CACNA1E: variants seen among roughly 807,000 people sequenced by gnomAD.
CACNA1E encodes the protein calcium voltage-gated channel subunit alpha1 E, also known as voltage-dependent R-type calcium channel subunit alpha-1E.
A neutral mutation model predicts 259.2 loss-of-function variants in CACNA1E; 40 were observed. The ratio of observed to expected loss-of-function variants is 0.15; its 90% CI spans 0.12 to 0.20. The LOEUF is 0.20. Ranked by LOEUF, CACNA1E falls within the 10% of genes least tolerant of loss-of-function variation. CACNA1E has a pLI of 1.00. For missense variants in CACNA1E, 1,874 were observed against 3,040.1 expected, an observed-to-expected ratio of 0.62 and a Z score of 9.02; for synonymous variants, 1,104 against 1,138.5, an observed-to-expected ratio of 0.97 and a Z score of 0.61.
At chr1:181,334,456 A>T (rs745320996) in intron 1 of CACNA1E, among the ~76,000 whole-genome samples, 1 of 152,194 alleles carries the variant, frequency 6.6e-6, no homozygotes, top group Non-Finnish European at 1.5e-5. Context: ...ATCCACATGG[A>T]TGTCTGACAG....
chr1:181,648,439 T>C (rs1208289343), intron 6 of CACNA1E, among the ~76,000 whole-genome samples: 1 of 152,226 alleles, frequency 6.6e-6, no homozygotes. Context: ...TCAAAGGCTA[T>C]GTTCTTCGAT....
At chr1:181,373,799 A>G (rs1654887918) in intron 1 of CACNA1E, among the ~76,000 whole-genome samples, 1 of 152,106 alleles carries the variant, frequency 6.6e-6, no homozygotes, top group Non-Finnish European at 1.5e-5. Context: ...TGCTGGGATT[A>G]CAGGCATGGA....
At chr1:181,681,975 CTG>C (rs1311155431) in intron 7 of CACNA1E, among the ~76,000 whole-genome samples, 4 of 152,286 alleles carry the variant, frequency 2.6e-5, no homozygotes, top group Non-Finnish European at 5.9e-5. Context: ...CTTTCTATAA[CTG>C]TGAAAGGGGA....
chr1:181,417,814 A>G (rs1325144195), intron 2 of CACNA1E, among the ~76,000 whole-genome samples: 2 of 152,198 alleles, frequency 1.3e-5, no homozygotes, highest in Non-Finnish European at 2.9e-5. Context: ...AGGCATGTAC[A>G]GGCTCCATCC....
At position 181,750,998 on chromosome 1, in the gene CACNA1E, G is replaced by A. The variant is rs752323904; in HGVS notation, c.3731+511G>A. Among the ~76,000 whole-genome samples the A allele has an allele frequency of 5.3e-5, 8 of 152,224 alleles. No individual in the cohort carries two copies. The East Asian group carries it at 1.4e-3, about 26-fold the overall frequency. On this transcript the variant is annotated intron_variant, in intron 26 of 47. Coordinates refer to ENST00000367573, the MANE Select transcript of CACNA1E (RefSeq NM_001205293.3). ...GTCAGGGGGGTGGGGTAGGGGGGTA[G>A]GTATCGCAGGAAGGTCAGGGGGAAA...
intron 43 of CACNA1E, 93 bp downstream of exon 43, chr1:181,785,912 C>A: frequency 2.6e-6 from 2 of 760,994 alleles, no homozygotes; most frequent in Non-Finnish European, 2.2e-6. Context: ...CAGAAGGGCC[C>A]AAGAACAAAT....
chr1:181,459,957 G>T (rs1346420628), intron 2 of CACNA1E, among the ~76,000 whole-genome samples: 1 of 152,182 alleles, frequency 6.6e-6, no homozygotes, highest in African/African-American at 2.4e-5. Context: ...TGGCCAGCTA[G>T]GTAATGCACC....
At chr1:181,520,522 C>A (rs1164955737) in intron 3 of CACNA1E, among the ~76,000 whole-genome samples, 1 of 152,104 alleles carries the variant, frequency 6.6e-6, no homozygotes, top group Non-Finnish European at 1.5e-5. Flanking sequence ...TAAGAATGGT[C>A]ATTTATCTCT....
chr1:181,604,529 T>C (rs1654051059), intron 6 of CACNA1E, among the ~76,000 whole-genome samples: 1 of 152,226 alleles, frequency 6.6e-6, no homozygotes. Context: ...TATTTTCCTC[T>C]GGACTAGGAG....
chr1:181,631,417 C>T (rs1656725615), intron 6 of CACNA1E, among the ~76,000 whole-genome samples: 1 of 152,142 alleles, frequency 6.6e-6, no homozygotes, highest in Admixed American at 6.5e-5. Flanking sequence ...TGAATCCTTG[C>T]AGTTTTCAGT....
intron 7 of CACNA1E, among the ~76,000 whole-genome samples, chr1:181,682,660 T>C (rs1650095864): frequency 6.6e-6 from 1 of 152,224 alleles, no homozygotes; most frequent in South Asian, 2.1e-4. Context: ...TGGTATCTGC[T>C]GAACTTCTGG....
chr1:181,666,914 G>T (rs540439508), intron 7 of CACNA1E, among the ~76,000 whole-genome samples: 1 of 152,014 alleles, frequency 6.6e-6, no homozygotes, highest in African/African-American at 2.4e-5. Flanking sequence ...TAAATTGCAG[G>T]TGGAGCTAGT....
intron 9 of CACNA1E, 56 bp downstream of exon 9, chr1:181,715,447 G>A (rs1016062571): frequency 5.3e-6 from 5 of 948,652 alleles, no homozygotes; most frequent in Admixed American, 3.9e-5. Context: ...TTAGGCGATG[G>A]CAATCTCTGT....
intron 9 of CACNA1E, among the ~76,000 whole-genome samples, chr1:181,715,811 C>A (rs1288528314): frequency 1.3e-5 from 2 of 152,218 alleles, no homozygotes; most frequent in East Asian, 3.9e-4. Flanking sequence ...TAGGCTCTAG[C>A]ATGGCTTCCA....
At chr1:181,650,561 T>C (rs1286419012) in intron 6 of CACNA1E, among the ~76,000 whole-genome samples, 4 of 152,194 alleles carry the variant, frequency 2.6e-5, no homozygotes, top group Non-Finnish European at 5.9e-5. Context: ...ACTCCCAAGC[T>C]CTATTTCAAG....
At chr1:181,471,866 A>G (rs1662532896) in intron 2 of CACNA1E, among the ~76,000 whole-genome samples, 1 of 151,696 alleles carries the variant, frequency 6.6e-6, no homozygotes, top group African/African-American at 2.4e-5. Flanking sequence ...CAACAATCTC[A>G]GTATCATTCT....
intron 21 of CACNA1E, among the ~76,000 whole-genome samples, chr1:181,735,918 T>C (rs192562072): frequency 6.6e-6 from 1 of 152,278 alleles, no homozygotes; most frequent in Admixed American, 6.5e-5. Context: ...TAAGTGAGCA[T>C]GTACAAAGAA....
intron 19 of CACNA1E, among the ~76,000 whole-genome samples, chr1:181,731,665 C>T (rs1174321173): frequency 6.6e-6 from 1 of 152,120 alleles, no homozygotes; most frequent in South Asian, 2.1e-4. Context: ...AGCCCTCTCC[C>T]ATGTGCTCTC....
chr1:181,736,346 GAGAAGAAGAAGC>G lies in CACNA1E; in HGVS notation c.3343_3354del (p.Lys1115_Lys1118del). ...GATCAGAGAGGATGAGGAGGAGGTGGAGAAGAAGAAGCAGAAGAAGGAGAAGCGTGAGACAGG... is the reference window on the plus strand; with the variant it reads ...GATCAGAGAGGATGAGGAGGAGGTGGAGAAGAAGGAGAAGCGTGAGACAGG... On this transcript the variant is annotated inframe_deletion, in exon 22 of 48. Coordinates refer to ENST00000367573, the MANE Select transcript of CACNA1E (RefSeq NM_001205293.3). 1 of 1,609,508 alleles carries G rather than the reference GAGAAGAAGAAGC, an allele frequency of 6.2e-7. No homozygotes were observed. The highest frequency in any genetic ancestry group is 8.5e-7 in the Non-Finnish European group (1 of 1,177,764).
Sources: allele counts gnomAD v4.1 joint callset (sites outside exome capture counted in the v4.1 genomes callset), GRCh38; gene constraint gnomAD v4.1.1; transcripts MANE v1.5; gene names NCBI Gene and HGNC (gene_info 2026-07-23, HGNC 2026-07-21).